PHF10: variants seen among roughly 807,000 people sequenced by gnomAD.
The protein encoded by PHF10 is BRG1-associated factor 45a.
In PHF10, 51 loss-of-function variants were observed where a neutral mutation model predicts 68.5. The ratio of observed to expected loss-of-function variants is 0.74; its 90% CI spans 0.59 to 0.94. The LOEUF is 0.94. PHF10 is among the 40% of genes least tolerant of loss of function. The probability of loss-of-function intolerance (pLI) is 0.00; values close to 1 mark genes in which losing one functional copy is unlikely to be tolerated. For missense variants in PHF10, 460 were observed against 602.6 expected (o/e 0.76, Z 2.48); for synonymous variants, 204 against 203.5 (o/e 1.00, Z -0.02).
At chr6:169,717,659 C>T (rs1447070414) in intron 4 of PHF10, 164 bp downstream of exon 4, 1 of 531,774 alleles carries the variant, frequency 1.9e-6, no homozygotes, top group African/African-American at 2.0e-5. Flanking sequence ...CTTCATTCTC[C>T]TGTGTATTTT....
In PHF10 at chr6:169,716,176, C is replaced by T. The variant is rs547772016; in HGVS notation, c.410-88G>A. ...CTCTTCAAAATTTAATTCTTCAAACCGCTCCACGTTGTAATGGTTTTCCAA... is the reference window on the plus strand; with the variant it reads ...CTCTTCAAAATTTAATTCTTCAAACTGCTCCACGTTGTAATGGTTTTCCAA... On this transcript the variant is annotated intron_variant, in intron 4 of 11. Coordinates refer to ENST00000339209, the MANE Select transcript of PHF10 (RefSeq NM_018288.4). 8.6e-5 allele frequency: 67 copies of T among 778,580 alleles called. 2 individuals carry two copies. The Middle Eastern group carries it at 9.8e-4, about 11-fold the overall frequency. 48.2% of individuals were successfully genotyped at this position (778,580 alleles called of 1,614,324 possible). A position where few individuals can be genotyped will look rare whatever the true frequency, so the allele number is the denominator to read the frequency against.
intron 1 of PHF10, 112 bp from the exon 2 acceptor site, chr6:169,721,223 A>G: frequency 5.0e-6 from 3 of 604,078 alleles, no homozygotes; most frequent in East Asian, 5.6e-5. Flanking sequence ...TATTAACTTC[A>G]TATTATAATT....
chr6:169,720,910 T>C, intron 2 of PHF10, 95 bp downstream of exon 2: 3 of 651,602 alleles, frequency 4.6e-6, no homozygotes, highest in South Asian at 2.1e-5. Context: ...CAATTTTTAA[T>C]AATTGCCTTT....
In PHF10 at chr6:169,705,145, C is replaced by A; in HGVS notation, c.1399G>T (p.Ala467Ser). The A allele has an allele frequency of 6.2e-7, 1 of 1,606,836 alleles. No individual in the cohort carries two copies. ...GYHTFCVGLG[A>S]IPSGRWICDC... Reference sequence around the variant, plus strand: ...TTTTAATCTTTACCTGATGGAATAGCACCAAGGCCCACACAAAAAGTATGA... The same window carrying A: ...TTTTAATCTTTACCTGATGGAATAGAACCAAGGCCCACACAAAAAGTATGA... The change falls in exon 11 of 12, where the codon GCT becomes TCT. Residue 467 changes from alanine (A) to serine (S), a missense_variant. Physicochemically the swap from Ala to Ser is moderately conservative, Grantham distance 99. Around this residue, in one of 3 missense-constraint regions of PHF10, gnomAD observed 111 missense variants for 109.7 expected, o/e 1.01. Transcript: ENST00000339209.
rs369970938 is a variant in PHF10, at chr6:169,705,109, G to A, written c.1411+24C>T. 1.6e-5 allele frequency: 25 copies of A among 1,559,132 alleles called. No homozygotes were observed. In the African/African-American group the frequency reaches 2.7e-4, roughly 17 times the overall value. On this transcript the variant is annotated intron_variant, in intron 11 of 11. Transcript: ENST00000339209. The stretch of plus-strand genomic sequence containing the variant: ...GAGAGTCTCATCACCCAAAGATAAT[G>A]TTTGCTCTTTTTTTAATCTTTACCT...
intron 6 of PHF10, among the ~76,000 whole-genome samples, chr6:169,715,078 C>T (rs1046527139): frequency 7.9e-5 from 12 of 152,166 alleles, no homozygotes; most frequent in African/African-American, 2.4e-4. Context: ...CACTACTTAA[C>T]AGCAGAGTGA....
chr6:169,723,790 C>T, intron 1 of PHF10, 55 bp downstream of exon 1: 1 of 566,766 alleles, frequency 1.8e-6, no homozygotes, highest in Non-Finnish European at 2.4e-6. Flanking sequence ...GCCCACGCCC[C>T]GGCACCCAGG....
chr6:169,716,854 G>T (rs375646164), intron 4 of PHF10, among the ~76,000 whole-genome samples: 1 of 152,018 alleles, frequency 6.6e-6, no homozygotes, highest in South Asian at 2.1e-4. Context: ...AAGTAGCTGG[G>T]ACCACACGCA....
chr6:169,719,106 G>T (rs1789117665), intron 2 of PHF10, 188 bp from the exon 3 acceptor site: 2 of 471,382 alleles, frequency 4.2e-6, no homozygotes, highest in Non-Finnish European at 7.5e-6. Context: ...GGTCTACCAA[G>T]TCAAAAAGGT....
At position 169,715,742 on chromosome 6, in the gene PHF10, T is replaced by C; in HGVS notation, c.659A>G (p.Glu220Gly). 6.2e-7 allele frequency: 1 copy of C among 1,612,638 alleles called. No individual in the cohort carries two copies. Residue 220 changes from glutamate (E) to glycine (G), a missense_variant, in exon 6 of 12, where the codon GAA (glutamate) becomes GGA (glycine). Physicochemically the swap from Glu to Gly is moderately conservative, Grantham distance 98. This residue lies in a region of PHF10 where 256 missense variants were observed against 410.5 expected (regional missense o/e 0.62). Transcript: ENST00000339209. The stretch of plus-strand genomic sequence containing the variant: ...CAAGTCAAAATAAGCTCTTCTTTCT[T>C]CCATGCGTTCCCGGTTTAAGTTGCT... ...FNSNLNRERM[E>G]ERRAYFDLQT...
chr6:169,722,992 T>A (rs1406980334), intron 1 of PHF10, among the ~76,000 whole-genome samples: 1 of 151,996 alleles, frequency 6.6e-6, no homozygotes, highest in Non-Finnish European at 1.5e-5. Context: ...TCAAAATGAG[T>A]CTCACAGCAC....
chr6:169,715,240 T>C (rs1789018495), intron 6 of PHF10, among the ~76,000 whole-genome samples: 1 of 152,220 alleles, frequency 6.6e-6, no homozygotes, highest in Non-Finnish European at 1.5e-5. Context: ...GTAGCTATTA[T>C]TAGTCTCATT....
rs772636304 is a variant in PHF10 at position 169,705,628 on chromosome 6, A to G, written c.1210T>C (p.Cys404Arg). 4.1e-6 allele frequency: 6 copies of G among 1,467,144 alleles called. No homozygotes were observed. The allele number at this position is 1,467,144 out of a possible 1,614,324, so 90.9% of individuals were successfully genotyped here. A position where few individuals can be genotyped will look rare whatever the true frequency, so the allele number is the denominator to read the frequency against. Reference protein sequence around the residue: ...KAESLIHCSQCENSGHPSCLD... With the variant: ...KAESLIHCSQRENSGHPSCLD... ...TTTCAATACTTACCACTATTCTCAC[A>G]TTGGGAGCAGTGTATAAGTGATTCA... Residue 404 changes from cysteine (C) to arginine (R), a missense_variant, in exon 10 of 12, where the codon TGT (cysteine) becomes CGT (arginine). Physicochemically the swap from Cys to Arg is radical, Grantham distance 180 (BLOSUM62 -3). Coordinates refer to ENST00000339209, the MANE Select transcript of PHF10 (RefSeq NM_018288.4).
intron 2 of PHF10, among the ~76,000 whole-genome samples, chr6:169,720,708 G>A (rs895144887): frequency 6.6e-6 from 1 of 152,182 alleles, no homozygotes; most frequent in South Asian, 2.1e-4. Context: ...GAAAGTTTTG[G>A]AAATGGATGG....
At chr6:169,717,959 G>C (rs1789090205) in intron 3 of PHF10, 53 bp from the exon 4 acceptor site, 1 of 792,386 alleles carries the variant, frequency 1.3e-6, no homozygotes, top group Admixed American at 2.4e-5. Context: ...TTATGCACTT[G>C]TAAAACTTTT....
intron 7 of PHF10, 43 bp downstream of exon 7, chr6:169,714,690 T>A: frequency 1.0e-6 from 1 of 999,128 alleles, no homozygotes; most frequent in African/African-American, 1.6e-5. Flanking sequence ...CTGAAACCCC[T>A]TACCAATAGC....
Position 169,722,863 on chromosome 6 carries a change from G to A in PHF10, c.87+982C>T, listed in dbSNP as rs939003864. 3.3e-5 allele frequency among the ~76,000 whole-genome samples: 5 copies of A among 152,194 alleles called. No homozygotes were observed. In the East Asian group the frequency reaches 7.7e-4, roughly 23 times the overall value. On this transcript the variant is annotated intron_variant, in intron 1 of 11. Coordinates refer to ENST00000339209, the MANE Select transcript of PHF10 (RefSeq NM_018288.4). ...TCAGGGGTCAAGAATGCACTCAGGG[G>A]GCACTGGCTCAGTGCCCTCCAGGTG...
intron 2 of PHF10, among the ~76,000 whole-genome samples, chr6:169,720,490 C>T (rs1396425961): frequency 6.6e-6 from 1 of 152,230 alleles, no homozygotes; most frequent in South Asian, 2.1e-4. Flanking sequence ...AAAAGTCTGA[C>T]ATATGCTACA....
At chr6:169,721,795 T>C (rs1226224482) in intron 1 of PHF10, among the ~76,000 whole-genome samples, 1 of 152,248 alleles carries the variant, frequency 6.6e-6, no homozygotes, top group South Asian at 2.1e-4. Context: ...AATTGATTTA[T>C]TTACTTATTA....
Sources: allele counts gnomAD v4.1 joint callset (sites outside exome capture counted in the v4.1 genomes callset), GRCh38; gene constraint gnomAD v4.1.1; regional missense constraint gnomAD v4.1.1; transcripts MANE v1.5; gene names NCBI Gene and HGNC (gene_info 2026-07-23, HGNC 2026-07-21).